B3GALT1: variants seen among roughly 807,000 people sequenced by gnomAD.
The protein encoded by B3GALT1 is beta-1,3-galactosyltransferase 1, also known as UDP-Gal:betaGlcNAc beta 1,3-galactosyltransferase, polypeptide 1.
In B3GALT1, 10 loss-of-function variants were observed where a neutral mutation model predicts 23.2. That is an observed-to-expected ratio of 0.43 (90% CI 0.27 to 0.73). The LOEUF (loss-of-function observed/expected upper bound fraction) is 0.73. Ranked by LOEUF, B3GALT1 falls within the 30% of genes least tolerant of loss-of-function variation. B3GALT1 has a pLI of 0.21. For missense variants in B3GALT1, 299 were observed against 405.4 expected, an observed-to-expected ratio of 0.74 and a Z score of 2.25; for synonymous variants, 156 against 141.5, an observed-to-expected ratio of 1.10 and a Z score of -0.73.
At chr2:167,522,279 C>T (rs1700201896) in intron 2 of B3GALT1, among the ~76,000 whole-genome samples, 1 of 151,936 alleles carries the variant, frequency 6.6e-6, no homozygotes, top group Admixed American at 6.6e-5. Context: ...AGAAGACAAA[C>T]TAAATATACA....
intron 1 of B3GALT1, among the ~76,000 whole-genome samples, chr2:167,367,344 G>C (rs1403897): frequency 0.81 from 123,012 of 152,146 alleles, 51,518 homozygotes; most frequent in East Asian, 0.92. Flanking sequence ...ACCTCAACTA[G>C]ATCTTTCCAG....
At chr2:167,350,943 T>C in intron 1 of B3GALT1, among the ~76,000 whole-genome samples, 1 of 152,170 alleles carries the variant, frequency 6.6e-6, no homozygotes, top group South Asian at 2.1e-4. Context: ...TGTTATTCCA[T>C]CCTGTGGCAC....
rs371312967 is a variant in B3GALT1 at position 167,844,864 on chromosome 2, G to A, written c.-229-23947G>A. On this transcript the variant is annotated intron_variant, in intron 4 of 4. Transcript: ENST00000392690. ...AGCCTGGGGCAGGTTTTCAAGCCTG[G>A]CTTGCCCTCTGCCTGGAAACAGACT... Among the ~76,000 whole-genome samples, 31 of 152,260 alleles carry A rather than the reference G, an allele frequency of 2.0e-4. No homozygotes were observed. The South Asian group carries it at 6.4e-3, about 32-fold the overall frequency.
intron 1 of B3GALT1, among the ~76,000 whole-genome samples, chr2:167,295,540 T>C (rs1299651542): frequency 2.0e-5 from 3 of 152,182 alleles, no homozygotes; most frequent in South Asian, 2.1e-4. Flanking sequence ...GTTATACTTA[T>C]TAATTAACAA....
At chr2:167,488,959 G>A (rs1032893666) in intron 1 of B3GALT1, among the ~76,000 whole-genome samples, 8 of 115,294 alleles carry the variant, frequency 6.9e-5, no homozygotes, top group Non-Finnish European at 1.2e-4. Context: ...TAATAATGAA[G>A]GACTATGATA....
chr2:167,558,760 C>T lies in B3GALT1; in HGVS notation c.-410+68483C>T, dbSNP rs556314196. On this transcript the variant is annotated intron_variant, in intron 2 of 4. Coordinates refer to ENST00000392690, the MANE Select transcript of B3GALT1 (RefSeq NM_020981.4). ...GGTGGCAGCGAGGCTGGGGGAGGGGCGCCCACCATTGCCCAGGCTTGCTTA... is the reference window on the plus strand; with the variant it reads ...GGTGGCAGCGAGGCTGGGGGAGGGGTGCCCACCATTGCCCAGGCTTGCTTA... 3.9e-5 allele frequency among the ~76,000 whole-genome samples: 6 copies of T among 152,274 alleles called. No homozygotes were observed. In the East Asian group the frequency reaches 5.8e-4, roughly 15 times the overall value.
chr2:167,825,262 C>T (rs200603270), intron 4 of B3GALT1, among the ~76,000 whole-genome samples: 4 of 127,640 alleles, frequency 3.1e-5, no homozygotes, highest in South Asian at 2.5e-4. Context: ...CTAGCCTGGG[C>T]GACAGAGCAA....
chr2:167,471,465 A>C (rs1699417371), intron 1 of B3GALT1, among the ~76,000 whole-genome samples: 1 of 152,174 alleles, frequency 6.6e-6, no homozygotes, highest in Non-Finnish European at 1.5e-5. Context: ...CAGAGAGCAG[A>C]TGTAGAAACT....
intron 1 of B3GALT1, among the ~76,000 whole-genome samples, chr2:167,459,169 A>G (rs76805419): frequency 6.6e-6 from 1 of 152,030 alleles, no homozygotes; most frequent in African/African-American, 2.4e-5. Flanking sequence ...TTTTCTATAT[A>G]CATTAGTTTT....
chr2:167,715,060 G>A (rs1188109891), intron 3 of B3GALT1: 38 of 1,611,894 alleles, frequency 2.4e-5, no homozygotes. Context: ...GAATAATAAT[G>A]TGGTTTCTTT....
At chr2:167,666,375 T>G (rs1449587346) in intron 3 of B3GALT1, among the ~76,000 whole-genome samples, 2 of 152,160 alleles carry the variant, frequency 1.3e-5, no homozygotes, top group Non-Finnish European at 2.9e-5. Flanking sequence ...TCCAACTATG[T>G]GGTCAATTTT....
intron 3 of B3GALT1, among the ~76,000 whole-genome samples, chr2:167,803,085 C>A (rs1574269948): frequency 9.2e-6 from 1 of 108,502 alleles, no homozygotes; most frequent in South Asian, 3.1e-4. Flanking sequence ...CTAACAAACA[C>A]ACACACACAC....
intron 1 of B3GALT1, among the ~76,000 whole-genome samples, chr2:167,400,944 A>G (rs1698179342): frequency 6.6e-6 from 1 of 152,150 alleles, no homozygotes; most frequent in Admixed American, 6.6e-5. Flanking sequence ...GGGAACTTCA[A>G]ACAGACAGCT....
intron 3 of B3GALT1, among the ~76,000 whole-genome samples, chr2:167,730,409 C>G (rs140239431): frequency 6.8e-4 from 104 of 152,250 alleles, no homozygotes; most frequent in African/African-American, 2.3e-3. Context: ...AACCTTCTCA[C>G]GGTGCTAACA....
chr2:167,562,208 C>T (rs1206653396), intron 2 of B3GALT1, among the ~76,000 whole-genome samples: 2 of 152,204 alleles, frequency 1.3e-5, no homozygotes, highest in Admixed American at 6.5e-5. Context: ...GCAAAAACCA[C>T]ATGATTATCT....
At chr2:167,769,734 A>G (rs936895035) in intron 3 of B3GALT1, among the ~76,000 whole-genome samples, 2 of 152,184 alleles carry the variant, frequency 1.3e-5, no homozygotes, top group Non-Finnish European at 2.9e-5. Flanking sequence ...TCTTGCTTTT[A>G]TTAATCATTA....
At chr2:167,656,507 AT>A (rs1430151048) in intron 3 of B3GALT1, among the ~76,000 whole-genome samples, 1 of 152,116 alleles carries the variant, frequency 6.6e-6, no homozygotes, top group Non-Finnish European at 1.5e-5. Flanking sequence ...TTTTACATGC[AT>A]TTTCCTGAAA....
At chr2:167,467,795 T>C (rs1400560523) in intron 1 of B3GALT1, among the ~76,000 whole-genome samples, 1 of 152,148 alleles carries the variant, frequency 6.6e-6, no homozygotes, top group Non-Finnish European at 1.5e-5. Flanking sequence ...CAACCTAGAG[T>C]ACATAGTGTG....
chr2:167,431,988 T>A (rs1287609138), intron 1 of B3GALT1, among the ~76,000 whole-genome samples: 1 of 152,114 alleles, frequency 6.6e-6, no homozygotes, highest in African/African-American at 2.4e-5. Context: ...AACAAAGAAT[T>A]TACTCTTAAA....
Sources: gnomAD v4.1 joint callset for allele counts (sites outside exome capture counted in the v4.1 genomes callset) on GRCh38, gnomAD v4.1.1 for gene constraint, MANE v1.5 for transcripts, NCBI Gene and HGNC (gene_info 2026-07-23, HGNC 2026-07-21) for gene names.